The following BICC1 variants were observed in gnomAD, a reference collection of about 807,000 sequenced individuals.
BICC1 encodes BicC family RNA binding protein 1, also known as protein bicaudal C homolog 1.
BICC1 carries 43 observed loss-of-function variants against 111.0 expected under a neutral mutation model. That is an observed-to-expected ratio of 0.39 (90% CI 0.30 to 0.50). The LOEUF (loss-of-function observed/expected upper bound fraction) is 0.50. BICC1 is among the 20% of genes least tolerant of loss of function. The pLI, the probability that BICC1 is intolerant of heterozygous loss-of-function variation, is 0.88. For synonymous variants in BICC1, 467 were observed against 434.4 expected (o/e 1.07, Z -0.93); for missense variants, 1,091 against 1,203.2 (o/e 0.91, Z 1.38).
intron 3 of BICC1, among the ~76,000 whole-genome samples, chr10:58,722,923 G>T (rs1012908469): frequency 6.6e-6 from 1 of 152,196 alleles, no homozygotes; most frequent in Non-Finnish European, 1.5e-5. Context: ...CCTTGCAGGG[G>T]TAGATTTAAG....
At chr10:58,699,644 A>C (rs2132441697) in intron 2 of BICC1, among the ~76,000 whole-genome samples, 1 of 152,304 alleles carries the variant, frequency 6.6e-6, no homozygotes, top group East Asian at 1.9e-4. Flanking sequence ...TTGTTTTCTT[A>C]CTGCCTCCCC....
intron 2 of BICC1, among the ~76,000 whole-genome samples, chr10:58,623,240 A>T (rs193294865): frequency 6.6e-6 from 1 of 152,356 alleles, no homozygotes; most frequent in East Asian, 1.9e-4. Context: ...AAATAATAAA[A>T]TTAATTTTAA....
chr10:58,715,832 G>A, intron 3 of BICC1: 9 of 1,286,806 alleles, frequency 7.0e-6, no homozygotes, highest in Admixed American at 2.0e-5. Flanking sequence ...AAAAGACAGA[G>A]AAAGAAAAAA....
intron 2 of BICC1, among the ~76,000 whole-genome samples, chr10:58,656,013 G>C (rs536804114): frequency 2.6e-5 from 4 of 152,088 alleles, no homozygotes; most frequent in Non-Finnish European, 5.9e-5. Flanking sequence ...TGATAAAGGG[G>C]ATATCACCAC....
intron 3 of BICC1, among the ~76,000 whole-genome samples, chr10:58,735,367 T>A (rs1841435701): frequency 6.6e-6 from 1 of 152,224 alleles, no homozygotes; most frequent in Non-Finnish European, 1.5e-5. Context: ...ACATGCTGCA[T>A]GCTGTTAAAG....
intron 2 of BICC1, among the ~76,000 whole-genome samples, chr10:58,662,555 A>G (rs183415712): frequency 1.3e-5 from 2 of 152,332 alleles, no homozygotes; most frequent in African/African-American, 4.8e-5. Flanking sequence ...CGAAAGGTGA[A>G]AAAAGTTCAG....
intron 3 of BICC1, among the ~76,000 whole-genome samples, chr10:58,757,844 T>C (rs749790801): frequency 2.6e-5 from 4 of 152,226 alleles, no homozygotes; most frequent in Non-Finnish European, 5.9e-5. Context: ...TGTGTACAGC[T>C]GACCTTTACA....
At chr10:58,612,075 C>T (rs765104608) in intron 1 of BICC1, among the ~76,000 whole-genome samples, 1 of 152,146 alleles carries the variant, frequency 6.6e-6, no homozygotes, top group Non-Finnish European at 1.5e-5. Flanking sequence ...AAAATTCTCA[C>T]ACTTATGAGA....
rs1397471669 is a variant in BICC1, at chr10:58,588,693, G to T, written c.191-32162G>T. 3.9e-5 allele frequency among the ~76,000 whole-genome samples: 6 copies of T among 152,160 alleles called. No individual in the cohort carries two copies. The East Asian group carries it at 9.7e-4, about 24-fold the overall frequency. ...AGGGTGCTGTGCACACGATGTCACA[G>T]GTACCATGTGGCTTTAAGGTAGTAA... is the stretch of plus-strand genomic sequence containing the variant. On this transcript the variant is annotated intron_variant, in intron 1 of 20. Transcript: ENST00000373886.
chr10:58,716,244 CAGTA>C, intron 3 of BICC1: 7 of 1,492,726 alleles, frequency 4.7e-6, no homozygotes, highest in Non-Finnish European at 6.4e-6. Flanking sequence ...ATAAGAAACA[CAGTA>C]AGAAGAAAAG....
chr10:58,566,312 G>T (rs1843761618), intron 1 of BICC1, among the ~76,000 whole-genome samples: 1 of 151,614 alleles, frequency 6.6e-6, no homozygotes, highest in Non-Finnish European at 1.5e-5. Flanking sequence ...ACCACATGGT[G>T]TGTATATATA....
At chr10:58,695,812 G>C (rs1486520737) in intron 2 of BICC1, among the ~76,000 whole-genome samples, 1 of 152,150 alleles carries the variant, frequency 6.6e-6, no homozygotes, top group East Asian at 1.9e-4. Context: ...TACTAATCTG[G>C]AATTTGTTGG....
rs1321611109 is a variant in BICC1 at position 58,803,098 on chromosome 10, A to G, written c.2037A>G (p.Ser679=). 6 of 1,603,854 alleles carry G rather than the reference A, an allele frequency of 3.7e-6. No individual in the cohort carries two copies. Reference sequence around the variant, plus strand: ...ACAGCAGCACTGACAGGTTGCTCTCAGACCCTGAACTGAGTGCTACCGAAA... The same window carrying G: ...ACAGCAGCACTGACAGGTTGCTCTCGGACCCTGAACTGAGTGCTACCGAAA... ...SHLHSTDRLL[S]DPELSATESP... The change falls in exon 15 of 21, where the codon TCA becomes TCG. Residue 679 remains serine (S), a synonymous_variant. Coordinates refer to ENST00000373886, the MANE Select transcript of BICC1 (RefSeq NM_001080512.3).
chr10:58,672,715 C>T (rs1470675051), intron 2 of BICC1, among the ~76,000 whole-genome samples: 1 of 152,182 alleles, frequency 6.6e-6, no homozygotes, highest in African/African-American at 2.4e-5. Context: ...GTCTCACACT[C>T]ACCTTGTTTT....
chr10:58,788,217 G>A (rs1159114311), intron 5 of BICC1, among the ~76,000 whole-genome samples, 153 bp from the exon 6 acceptor site: 1 of 151,974 alleles, frequency 6.6e-6, no homozygotes, highest in East Asian at 1.9e-4. Context: ...TCTGGATGGG[G>A]GCCTGAGATC....
At chr10:58,618,031 C>G (rs564305138) in intron 1 of BICC1, among the ~76,000 whole-genome samples, 110 of 152,338 alleles carry the variant, frequency 7.2e-4, no homozygotes, top group African/African-American at 2.5e-3. Context: ...GCATGTGTCC[C>G]CACTAGAAAA....
At chr10:58,561,335 A>G (rs973982360) in intron 1 of BICC1, among the ~76,000 whole-genome samples, 3 of 151,902 alleles carry the variant, frequency 2.0e-5, no homozygotes, top group Non-Finnish European at 4.4e-5. Context: ...TGACTTAAAA[A>G]TTCATTTTAT....
intron 3 of BICC1, among the ~76,000 whole-genome samples, chr10:58,737,175 G>T (rs1188791896): frequency 6.6e-6 from 1 of 151,958 alleles, no homozygotes; most frequent in Non-Finnish European, 1.5e-5. Context: ...ATACACATGT[G>T]CCATGTTGGT....
chr10:58,714,660 C>T (rs765067522), intron 3 of BICC1, among the ~76,000 whole-genome samples: 6 of 152,044 alleles, frequency 3.9e-5, no homozygotes, highest in Non-Finnish European at 8.8e-5. Context: ...CTGTAAATTC[C>T]TGTCTTGGCC....
Sources: gnomAD v4.1 joint callset for allele counts (sites outside exome capture counted in the v4.1 genomes callset) on GRCh38, gnomAD v4.1.1 for gene constraint, MANE v1.5 for transcripts, NCBI Gene and HGNC (gene_info 2026-07-23, HGNC 2026-07-21) for gene names.